Variants in DAG1 observed in about 807,000 individuals in gnomAD.
DAG1 encodes dystroglycan 1.
In DAG1, 8 loss-of-function variants were observed where a neutral mutation model predicts 46.1. The ratio of observed to expected loss-of-function variants is 0.17; its 90% CI spans 0.10 to 0.31. DAG1 has a LOEUF of 0.31. Ranked by LOEUF, DAG1 falls within the 10% of genes least tolerant of loss-of-function variation. DAG1 has a pLI of 1.00. For missense variants in DAG1, 1,003 were observed against 1,189.9 expected (o/e 0.84, Z 2.31); for synonymous variants, 495 against 481.8 (o/e 1.03, Z -0.36).
At chr3:49,475,601 C>T (rs1314685474) in intron 1 of DAG1, among the ~76,000 whole-genome samples, 3 of 151,786 alleles carry the variant, frequency 2.0e-5, no homozygotes, top group East Asian at 1.9e-4. Flanking sequence ...TTTAGAGTAG[C>T]TTACAAAATT....
At chr3:49,502,418 G>A (rs1051078069) in intron 1 of DAG1, among the ~76,000 whole-genome samples, 1 of 152,090 alleles carries the variant, frequency 6.6e-6, no homozygotes, top group African/African-American at 2.4e-5. Flanking sequence ...AGCCTGTGGT[G>A]GGCAAAAGTG....
chr3:49,527,558 C>T (rs1002224621), intron 2 of DAG1, among the ~76,000 whole-genome samples: 2 of 150,236 alleles, frequency 1.3e-5, no homozygotes, highest in African/African-American at 4.9e-5. Context: ...GAAAAATTAG[C>T]CAGGCGTGGT....
intron 2 of DAG1, among the ~76,000 whole-genome samples, chr3:49,523,067 G>T (rs116328182): frequency 1.0e-3 from 156 of 152,170 alleles, no homozygotes; most frequent in African/African-American, 3.6e-3. Flanking sequence ...TGCCTCTGCT[G>T]CTAAGGACCT....
chr3:49,505,685 T>G (rs2050587412), intron 1 of DAG1, among the ~76,000 whole-genome samples: 1 of 152,188 alleles, frequency 6.6e-6, no homozygotes, highest in Admixed American at 6.6e-5. Context: ...AAACTTTTTT[T>G]TTTGAGACGG....
chr3:49,486,186 T>TTTTATTTATTTATTTATTTA (rs34143078), intron 1 of DAG1, among the ~76,000 whole-genome samples: 2 of 145,118 alleles, frequency 1.4e-5, no homozygotes, highest in Non-Finnish European at 3.0e-5. Flanking sequence ...TTTCTTTTTC[T>TTTTATTTATTTATTTATTTA]TTTATTTATT....
At chr3:49,501,657 A>G (rs2050454895) in intron 1 of DAG1, among the ~76,000 whole-genome samples, 1 of 152,128 alleles carries the variant, frequency 6.6e-6, no homozygotes, top group East Asian at 1.9e-4. Context: ...ACTAAAAAAT[A>G]CAAAAATTAG....
upstream of DAG1, among the ~76,000 whole-genome samples, chr3:49,469,873 C>G (rs1408206385): frequency 6.6e-6 from 1 of 152,226 alleles, no homozygotes; most frequent in East Asian, 1.9e-4. Flanking sequence ...TCCTGACTGT[C>G]CCTTGATTAG....
In DAG1 at chr3:49,498,714, A is replaced by T. The variant is rs952992394; in HGVS notation, c.-116-11705A>T. Among the ~76,000 whole-genome samples the T allele has an allele frequency of 7.6e-5, 11 of 145,108 alleles. 1 individual carries two copies. The highest frequency in any genetic ancestry group is 2.0e-4 in the African/African-American group (8 of 39,722). ...CATTTTCTTTATTATTATTATTATT[A>T]ATTAATTTTTTTTTTTTGAGATAGG... On this transcript the variant is annotated intron_variant, in intron 1 of 2. Coordinates refer to ENST00000308775, the MANE Select transcript of DAG1 (RefSeq NM_004393.6).
chr3:49,487,790 C>A (rs935912116), intron 1 of DAG1, among the ~76,000 whole-genome samples: 1 of 151,238 alleles, frequency 6.6e-6, no homozygotes. Context: ...ACCTCCGCCT[C>A]CCGGGTTCAA....
intron 1 of DAG1, among the ~76,000 whole-genome samples, chr3:49,486,653 T>C (rs1207362183): frequency 6.6e-6 from 1 of 151,448 alleles, no homozygotes. Flanking sequence ...CAGGTGTGCA[T>C]CACCACGCCT....
At chr3:49,494,835 A>C (rs1042544120) in intron 1 of DAG1, among the ~76,000 whole-genome samples, 2 of 151,920 alleles carry the variant, frequency 1.3e-5, no homozygotes, top group African/African-American at 4.8e-5. Context: ...GGGTTTCACC[A>C]TGTTAGCCAG....
At chr3:49,528,602 T>C (rs550792619) in intron 2 of DAG1, among the ~76,000 whole-genome samples, 2 of 152,148 alleles carry the variant, frequency 1.3e-5, no homozygotes, top group African/African-American at 4.8e-5. Context: ...GTGATTTTTA[T>C]GGTTAAAAAA....
intron 1 of DAG1, among the ~76,000 whole-genome samples, chr3:49,481,839 T>C (rs996008925): frequency 2.6e-5 from 4 of 152,182 alleles, no homozygotes; most frequent in Non-Finnish European, 5.9e-5. Context: ...AAGCACCTCT[T>C]ATAGAGTTCT....
Position 49,475,505 on chromosome 3 carries a change from T to C in DAG1, c.-117+5072T>C, listed in dbSNP as rs529290906. Reference sequence around the variant, plus strand: ...CTGCAACCTCCACCTCCTGGGTTCATGTGATTCTCCTGCTTCAGCCTCCCA... The same window carrying C: ...CTGCAACCTCCACCTCCTGGGTTCACGTGATTCTCCTGCTTCAGCCTCCCA... On this transcript the variant is annotated intron_variant, in intron 1 of 2. Transcript: ENST00000308775. Among the ~76,000 whole-genome samples the C allele has an allele frequency of 2.1e-5, 3 of 143,402 alleles. No homozygotes were observed. In the East Asian group the frequency reaches 6.5e-4, roughly 31 times the overall value. The allele number at this position is 143,402 out of a possible 152,430, so 94.1% of individuals were successfully genotyped here.
chr3:49,482,226 T>G (rs1218317621), intron 1 of DAG1, among the ~76,000 whole-genome samples: 1 of 152,174 alleles, frequency 6.6e-6, no homozygotes, highest in Admixed American at 6.6e-5. Context: ...CCTCTGCTCT[T>G]GAAAGCGGGG....
chr3:49,474,635 T>G (rs2049624937), intron 1 of DAG1, among the ~76,000 whole-genome samples: 1 of 151,984 alleles, frequency 6.6e-6, no homozygotes, highest in Non-Finnish European at 1.5e-5. Flanking sequence ...CACGAGCCAC[T>G]GCGCACCGCC....
chr3:49,509,185 A>C (rs2050694292), intron 1 of DAG1, among the ~76,000 whole-genome samples: 1 of 152,100 alleles, frequency 6.6e-6, no homozygotes, highest in East Asian at 1.9e-4. Context: ...TTACCTTTCT[A>C]ATCCTGGGAG....
At chr3:49,521,524 A>G (rs561375872) in intron 2 of DAG1, among the ~76,000 whole-genome samples, 1 of 152,054 alleles carries the variant, frequency 6.6e-6, no homozygotes, top group African/African-American at 2.4e-5. Flanking sequence ...CGGTGGCGCA[A>G]TCATAGCTCA....
chr3:49,471,323 C>T (rs2049513127), intron 1 of DAG1, among the ~76,000 whole-genome samples: 1 of 152,160 alleles, frequency 6.6e-6, no homozygotes, highest in Non-Finnish European at 1.5e-5. Context: ...GTTTATAGGA[C>T]ATAATTCCAG....
Sources: gnomAD v4.1 joint callset for allele counts (sites outside exome capture counted in the v4.1 genomes callset) on GRCh38, gnomAD v4.1.1 for gene constraint, MANE v1.5 for transcripts, NCBI Gene and HGNC (gene_info 2026-07-23, HGNC 2026-07-21) for gene names.